The following ZNG1B variants were observed in gnomAD, a reference collection of about 807,000 sequenced individuals.
ZNG1B encodes Zn regulated GTPase metalloprotein activator 1B, also known as zinc-regulated GTPase metalloprotein activator 1B.
the ZNG1B span, among the ~76,000 whole-genome samples, chr2:113,439,799 C>T: frequency 8.6e-5 from 13 of 151,864 alleles, no homozygotes; most frequent in Admixed American, 3.9e-4. Flanking sequence ...TTGTGCATCT[C>T]CTATTGAATA....
At chr2:113,457,457 A>G in the ZNG1B span, among the ~76,000 whole-genome samples, 2 of 141,816 alleles carry the variant, frequency 1.4e-5, no homozygotes, top group African/African-American at 5.2e-5. Context: ...GGTCAACAGC[A>G]GTGTTCTTTC....
chr2:113,482,072 T>G, the ZNG1B span: 11 of 880,708 alleles, frequency 1.2e-5, no homozygotes, highest in African/African-American at 1.4e-4. Flanking sequence ...AATATTAGAA[T>G]AGTCAGTTAT....
the ZNG1B span, among the ~76,000 whole-genome samples, chr2:113,485,096 T>C: frequency 3.5e-5 from 5 of 144,676 alleles, no homozygotes; most frequent in South Asian, 1.1e-3. Flanking sequence ...TTTTTGCCCC[T>C]TCCTAGTCAA....
the ZNG1B span, among the ~76,000 whole-genome samples, chr2:113,483,222 A>G: frequency 6.6e-6 from 1 of 151,876 alleles, no homozygotes; most frequent in Non-Finnish European, 1.5e-5. Context: ...ATAGGGATGA[A>G]AAGATGAAGC....
chr2:113,453,347 G>A, the ZNG1B span: 1 of 1,245,068 alleles, frequency 8.0e-7, no homozygotes, highest in Non-Finnish European at 1.1e-6. Context: ...TTACCTCCTG[G>A]GTTCAAGTGA....
chr2:113,443,083 C>A, the ZNG1B span, among the ~76,000 whole-genome samples: 3 of 151,764 alleles, frequency 2.0e-5, no homozygotes, highest in African/African-American at 7.3e-5. Flanking sequence ...ATTCTCCTGC[C>A]TCAGCCGCCT....
At chr2:113,445,041 G>C in the ZNG1B span, 3 of 1,610,396 alleles carry the variant, frequency 1.9e-6, no homozygotes, top group East Asian at 6.7e-5. Context: ...GAGACCACTG[G>C]ATTGGCAGAC....
the ZNG1B span, among the ~76,000 whole-genome samples, chr2:113,440,303 G>GT: frequency 9.4e-3 from 1,411 of 149,386 alleles, 20 homozygotes; most frequent in African/African-American, 0.03. Context: ...GTCTTAAAGT[G>GT]TTTTTTTTTT....
chr2:113,467,381 ATCT>A, the ZNG1B span, among the ~76,000 whole-genome samples: 29 of 113,036 alleles, frequency 2.6e-4, no homozygotes, highest in Non-Finnish European at 1.2e-4. Context: ...TGTCATTTTA[ATCT>A]TCTCTAGACT....
the ZNG1B span, among the ~76,000 whole-genome samples, chr2:113,459,571 A>C: frequency 1.3e-5 from 2 of 151,906 alleles, no homozygotes; most frequent in African/African-American, 4.8e-5. Flanking sequence ...GATTGTATAT[A>C]AAATATAGTA....
At chr2:113,448,828 C>T in the ZNG1B span, among the ~76,000 whole-genome samples, 68 of 151,408 alleles carry the variant, frequency 4.5e-4, no homozygotes, top group African/African-American at 1.0e-3. Context: ...GGCTTGAACC[C>T]GGGAGACGGA....
the ZNG1B span, among the ~76,000 whole-genome samples, chr2:113,475,782 G>A: frequency 1.6e-4 from 24 of 152,214 alleles, no homozygotes; most frequent in Middle Eastern, 3.4e-3. Context: ...ATTCTGGGTC[G>A]AAAATTCTTT....
At chr2:113,475,748 AAGCTTAG>A in the ZNG1B span, among the ~76,000 whole-genome samples, 1 of 152,000 alleles carries the variant, frequency 6.6e-6, no homozygotes, top group African/African-American at 2.4e-5. Context: ...TTCACTTATG[AAGCTTAG>A]TTTGGCTGGA....
At chr2:113,477,246 A>G in the ZNG1B span, among the ~76,000 whole-genome samples, 1 of 152,148 alleles carries the variant, frequency 6.6e-6, no homozygotes, top group Non-Finnish European at 1.5e-5. Flanking sequence ...GCCCGTCGGA[A>G]AAGCGCAGTA....
the ZNG1B span, among the ~76,000 whole-genome samples, chr2:113,478,589 A>G: frequency 6.6e-6 from 1 of 151,416 alleles, no homozygotes; most frequent in East Asian, 1.9e-4. Flanking sequence ...CCTTATATAT[A>G]TATTTCTAAT....
At chr2:113,446,858 C>T in the ZNG1B span, among the ~76,000 whole-genome samples, 8 of 151,980 alleles carry the variant, frequency 5.3e-5, no homozygotes, top group African/African-American at 1.7e-4. Context: ...AGGGATCTCT[C>T]TATGCCAGTG....
At chr2:113,467,072 A>AAAC in the ZNG1B span, among the ~76,000 whole-genome samples, 2 of 149,984 alleles carry the variant, frequency 1.3e-5, no homozygotes, top group African/African-American at 4.9e-5. Context: ...TCAAAAAAAA[A>AAAC]AAAAAACAAA....
the ZNG1B span, chr2:113,495,985 C>G: frequency 3.3e-5 from 14 of 419,904 alleles, 1 homozygote; most frequent in Non-Finnish European, 5.1e-5. Context: ...TTGAAATTGG[C>G]TTTGGAGTTT....
chr2:113,440,525 T>G, the ZNG1B span, among the ~76,000 whole-genome samples: 1 of 152,274 alleles, frequency 6.6e-6, no homozygotes, highest in Middle Eastern at 3.4e-3. Context: ...CCTAAAGTAC[T>G]CTAAATATAA....
Sources: gnomAD v4.1 joint callset for allele counts (sites outside exome capture counted in the v4.1 genomes callset) on GRCh38, gnomAD v4.1.1 for gene constraint, MANE v1.5 for transcripts, NCBI Gene and HGNC (gene_info 2026-07-23, HGNC 2026-07-21) for gene names.